The following SRI variants were observed in gnomAD, a reference collection of about 807,000 sequenced individuals.
SRI encodes the protein sorcin, also known as 22 kDa protein.
Under a neutral mutation model 33.3 loss-of-function variants are expected in SRI, and 30 were observed. That is an observed-to-expected ratio of 0.90 (90% CI 0.67 to 1.22). The LOEUF is 1.22. Ranked by LOEUF, SRI falls within the 50% of genes most tolerant of loss-of-function variation. The pLI is 0.00. For synonymous variants in SRI, 75 were observed against 89.9 expected, an observed-to-expected ratio of 0.83 and a Z score of 0.94; for missense variants, 243 against 250.8, an observed-to-expected ratio of 0.97 and a Z score of 0.21.
Position 88,210,843 on chromosome 7 carries a change from G to GA in SRI, c.249+38dup, listed in dbSNP as rs57591302. 279,464 of 1,590,902 alleles carry GA rather than the reference G, an allele frequency of 0.18. 25,998 individuals are homozygous for GA. Among genetic ancestry groups the GA allele is most frequent in the Middle Eastern group, 0.22 (1,303 of 5,854 alleles). Reference sequence around the variant, plus strand: ...TAAGATGAATTCCTTTAGAATTTTAGAAAAAATTATTCTAGACAACAATCA... The same window carrying GA: ...TAAGATGAATTCCTTTAGAATTTTAGAAAAAAATTATTCTAGACAACAATCA... On this transcript the variant is annotated intron_variant, in intron 4 of 7. Coordinates refer to ENST00000265729, the MANE Select transcript of SRI (RefSeq NM_003130.4).
chr7:88,214,247 G>A (rs1295583964), intron 3 of SRI, among the ~76,000 whole-genome samples: 2 of 152,196 alleles, frequency 1.3e-5, no homozygotes, highest in South Asian at 2.1e-4. Context: ...AAAGAGAGAA[G>A]TAGAAGGCCT....
upstream of SRI, among the ~76,000 whole-genome samples, chr7:88,222,954 T>TTTTGG (rs1272138311): frequency 6.6e-6 from 1 of 151,804 alleles, no homozygotes; most frequent in East Asian, 1.9e-4. Context: ...GGACTTCATG[T>TTTTGG]CCAAAACACC....
At chr7:88,226,775 A>G (rs749034040) in intron 1 of SRI, 31 of 902,844 alleles carry the variant, frequency 3.4e-5, no homozygotes, top group Non-Finnish European at 4.8e-5. Context: ...ACCTGGATTA[A>G]TTGATTCTCA....
At position 88,206,147 on chromosome 7, in the gene SRI, T is replaced by G; in HGVS notation, c.*331A>C. On this transcript the variant is annotated 3_prime_UTR_variant, in exon 8 of 8. Transcript: ENST00000265729. Reference sequence around the variant, plus strand: ...TAACAGCTGTAGTCTGATTAACAGTTTTTAGTGTCTCACAATGAAAAATAA... The same window carrying G: ...TAACAGCTGTAGTCTGATTAACAGTGTTTAGTGTCTCACAATGAAAAATAA... The G allele has an allele frequency of 2.8e-6, 1 of 351,704 alleles. No individual in the cohort carries two copies. The highest frequency in any genetic ancestry group is 6.0e-5 in the East Asian group (1 of 16,638). 21.8% of individuals were successfully genotyped at this position (351,704 alleles called of 1,614,324 possible).
chr7:88,218,586 C>T (rs955618863), intron 2 of SRI, among the ~76,000 whole-genome samples: 1 of 152,160 alleles, frequency 6.6e-6, no homozygotes, highest in East Asian at 1.9e-4. Context: ...TTTACCAGAT[C>T]TTGAATTTTT....
chr7:88,210,656 TATA>T, intron 4 of SRI: 1 of 520,020 alleles, frequency 1.9e-6, no homozygotes, highest in Non-Finnish European at 3.5e-6. Flanking sequence ...GTACTTGTTC[TATA>T]ATACTCTGAT....
In SRI at chr7:88,218,961, A is replaced by G; in HGVS notation, c.52-19T>C. ...CTCCATACTGTGAAACAGGAAACAC[A>G]TACACGTCATTCTGCCGAATCAAGT... On this transcript the variant is annotated intron_variant, in intron 1 of 7. Transcript: ENST00000265729. The G allele has an allele frequency of 1.2e-6, 2 of 1,607,196 alleles. No homozygotes were observed. The highest frequency in any genetic ancestry group is 2.2e-5 in the South Asian group (2 of 90,924).
intron 1 of SRI, chr7:88,226,811 A>C: frequency 1.5e-6 from 2 of 1,325,206 alleles, no homozygotes; most frequent in Non-Finnish European, 2.1e-6. Context: ...GATCAGTAGA[A>C]CTACAAAGAT....
In SRI at chr7:88,219,986, T is replaced by C. The variant is rs1201497723; in HGVS notation, c.41A>G (p.Tyr14Cys). The C allele has an allele frequency of 3.2e-6, 5 of 1,539,012 alleles. No homozygotes were observed. The highest frequency in any genetic ancestry group is 2.2e-4 in the Middle Eastern group (1 of 4,540). Residue 14 changes from tyrosine (Y) to cysteine (C), a missense_variant, in exon 1 of 8, where the codon TAC (tyrosine) becomes TGC (cysteine). By Grantham distance (194) the Tyr-to-Cys change is radical. Transcript: ENST00000265729. Reference sequence around the variant, plus strand: ...GCAGTCAGCACTTACCCCGCCTGGGTAGTACCCGCCGCCGGCGCCAGGATG... The same window carrying C: ...GCAGTCAGCACTTACCCCGCCTGGGCAGTACCCGCCGCCGGCGCCAGGATG... ...PGHPGAGGGY[Y>C]PGGYGGAPGG...
chr7:88,209,528 T>C, intron 5 of SRI, 76 bp from the exon 6 acceptor site: 1 of 1,163,568 alleles, frequency 8.6e-7, no homozygotes, highest in Non-Finnish European at 1.3e-6. Context: ...TCAAGCACTA[T>C]TTTATTTTTT....
chr7:88,218,599 G>A (rs1269896047), intron 2 of SRI: 1 of 406,450 alleles, frequency 2.5e-6, no homozygotes, highest in Non-Finnish European at 4.6e-6. Context: ...GAATTTTTTC[G>A]CTTGAAACCA....
At chr7:88,215,213 C>T (rs1851678241) in intron 3 of SRI, among the ~76,000 whole-genome samples, 1 of 152,208 alleles carries the variant, frequency 6.6e-6, no homozygotes, top group African/African-American at 2.4e-5. Context: ...GTACGGCCAC[C>T]AGAGAGTAGG....
At chr7:88,211,360 CAGG>C (rs1356076455) in intron 3 of SRI, among the ~76,000 whole-genome samples, 7 of 151,986 alleles carry the variant, frequency 4.6e-5, no homozygotes, top group Non-Finnish European at 1.0e-4. Context: ...AAGGTTGAGG[CAGG>C]AGAATTGCTT....
In SRI at chr7:88,209,485, A is replaced by G. The variant is rs762163106; in HGVS notation, c.398-33T>C. The G allele has an allele frequency of 3.2e-5, 48 of 1,508,070 alleles. No homozygotes were observed. The South Asian group carries it at 5.4e-4, about 17-fold the overall frequency. The allele number at this position is 1,508,070 out of a possible 1,614,324, so 93.4% of individuals were successfully genotyped here. On this transcript the variant is annotated intron_variant, in intron 5 of 7. Transcript: ENST00000265729. ...AAAAGCCATCCAGTAAAAAGGTTAAAGGATTGCAGAAGCTCATTAAAAAAT... is the reference window on the plus strand; with the variant it reads ...AAAAGCCATCCAGTAAAAAGGTTAAGGGATTGCAGAAGCTCATTAAAAAAT...
Position 88,209,516 on chromosome 7 carries a change from A to C in SRI, c.398-64T>G. 5.6e-6 allele frequency: 7 copies of C among 1,257,796 alleles called. No individual in the cohort carries two copies. In the South Asian group the frequency reaches 6.0e-5, roughly 11 times the overall value. The allele number at this position is 1,257,796 out of a possible 1,614,324, so 77.9% of individuals were successfully genotyped here. A position where few individuals can be genotyped will look rare whatever the true frequency, so the allele number is the denominator to read the frequency against. ...GCAGAAGCTCATTAAAAAATAAAAT[A>C]ATCAAGCACTATTTTATTTTTTAAG... On this transcript the variant is annotated intron_variant, in intron 5 of 7. Transcript: ENST00000265729.
At position 88,205,724 on chromosome 7, in the gene SRI, A is replaced by G. The variant is rs562635150; in HGVS notation, c.*754T>C. 6.6e-6 allele frequency: 1 copy of G among 152,348 alleles called. No individual in the cohort carries two copies. The highest frequency in any genetic ancestry group is 1.9e-4 in the East Asian group (1 of 5,194). The allele number at this position is 152,348 out of a possible 1,614,324, so 9.4% of individuals were successfully genotyped here. ...ATTTTAAAAACTAAAATCTGATTTT[A>G]AAAGGAAAGCATATAGAAAATCTGA... On this transcript the variant is annotated 3_prime_UTR_variant, in exon 8 of 8. Transcript: ENST00000265729.
upstream of SRI, among the ~76,000 whole-genome samples, chr7:88,221,174 G>A (rs1441634320): frequency 1.3e-5 from 2 of 152,180 alleles, no homozygotes; most frequent in Non-Finnish European, 2.9e-5. Context: ...CCGCCAATGT[G>A]GTACTGTGCT....
At chr7:88,215,139 T>A (rs1007687530) in intron 3 of SRI, among the ~76,000 whole-genome samples, 3 of 152,196 alleles carry the variant, frequency 2.0e-5, no homozygotes, top group Non-Finnish European at 4.4e-5. Flanking sequence ...AAAAGACTAA[T>A]GGCCATATAA....
chr7:88,206,183 T>G lies in SRI; in HGVS notation c.*295A>C. 2 of 448,900 alleles carry G rather than the reference T, an allele frequency of 4.5e-6. No homozygotes were observed. The highest frequency in any genetic ancestry group is 8.1e-6 in the Non-Finnish European group (2 of 246,576). The allele number at this position is 448,900 out of a possible 1,614,324, so 27.8% of individuals were successfully genotyped here. A position where few individuals can be genotyped will look rare whatever the true frequency, so the allele number is the denominator to read the frequency against. On this transcript the variant is annotated 3_prime_UTR_variant, in exon 8 of 8. Transcript: ENST00000265729. ...CACAATGAAAAATAAATAATGTGAC[T>G]TAAACATTTTGCATACTTAAATTTA...
Sources: gnomAD v4.1 joint callset for allele counts (sites outside exome capture counted in the v4.1 genomes callset) on GRCh38, gnomAD v4.1.1 for gene constraint, MANE v1.5 for transcripts, NCBI Gene and HGNC (gene_info 2026-07-23, HGNC 2026-07-21) for gene names.